Variants in PPP1R12C observed in about 807,000 individuals in gnomAD.
PPP1R12C encodes the protein leukocyte receptor cluster (LRC) encoded novel gene 3.
Under a neutral mutation model 95.6 loss-of-function variants are expected in PPP1R12C, and 48 were observed. The observed-to-expected ratio is 0.50, with a 90% CI of 0.40 to 0.64. The LOEUF (loss-of-function observed/expected upper bound fraction) is 0.64. Ranked by LOEUF, PPP1R12C falls within the 30% of genes least tolerant of loss-of-function variation. The pLI is 0.00. For synonymous variants in PPP1R12C, 480 were observed against 460.8 expected (o/e 1.04, Z -0.53); for missense variants, 1,057 against 1,083.3 (o/e 0.98, Z 0.34).
chr19:55,092,959 A>G (rs1308414405), intron 15 of PPP1R12C, 57 bp downstream of exon 15: 1 of 1,569,714 alleles, frequency 6.4e-7, no homozygotes, highest in Non-Finnish European at 8.6e-7. Context: ...AAGCAAGAAG[A>G]CTATGGGAGA....
In PPP1R12C at chr19:55,095,279, C is replaced by T; in HGVS notation, c.1454+12G>A. Reference sequence around the variant, plus strand: ...CACCCACCCCTGAGGGGCCCAGGCCCTGGGGACTCACAGGACAGAGGGCTC... The same window carrying T: ...CACCCACCCCTGAGGGGCCCAGGCCTTGGGGACTCACAGGACAGAGGGCTC... On this transcript the variant is annotated intron_variant, in intron 11 of 21. Transcript: ENST00000263433. 6.4e-7 allele frequency: 1 copy of T among 1,564,986 alleles called. No homozygotes were observed. Among genetic ancestry groups the T allele is most frequent in the Non-Finnish European group, 8.7e-7 (1 of 1,154,988 alleles).
intron 19 of PPP1R12C, 78 bp from the exon 20 acceptor site, chr19:55,091,987 C>T (rs1012110484): frequency 1.4e-5 from 21 of 1,547,720 alleles, no homozygotes; most frequent in Middle Eastern, 1.7e-4. Context: ...TCCTGCTGGG[C>T]ACCCGCCCGC....
intron 11 of PPP1R12C, 51 bp from the exon 12 acceptor site, chr19:55,094,849 G>A (rs893577812): frequency 7.8e-6 from 12 of 1,543,184 alleles, no homozygotes; most frequent in Admixed American, 5.9e-5. Flanking sequence ...ATTGTGTGCC[G>A]GCACTGGAGA....
Position 55,092,295 on chromosome 19 carries a change from C to G in PPP1R12C, c.2087G>C (p.Arg696Pro). Reference sequence around the variant, plus strand: ...GGTCTCGGTCAGGGCCTCGCGAAGCCGCTCGTTCTCCCTGCGCAGCTCTGC... The same window carrying G: ...GGTCTCGGTCAGGGCCTCGCGAAGCGGCTCGTTCTCCCTGCGCAGCTCTGC... Reference protein sequence around the residue: ...LYAELRRENERLREALTETTL... With the variant: ...LYAELRRENEPLREALTETTL... Residue 696 changes from arginine to proline, a missense_variant, in exon 19 of 22, where the codon CGG (arginine) becomes CCG (proline). Coordinates refer to ENST00000263433, the MANE Select transcript of PPP1R12C (RefSeq NM_017607.4). The G allele has an allele frequency of 6.2e-7, 1 of 1,601,000 alleles. No individual in the cohort carries two copies. Among genetic ancestry groups the G allele is most frequent in the Non-Finnish European group, 8.5e-7 (1 of 1,174,070 alleles).
chr19:55,091,700 C>T lies in PPP1R12C; in HGVS notation c.2212G>A (p.Glu738Lys), dbSNP rs2084842836. 1 of 1,613,480 alleles carries T rather than the reference C, an allele frequency of 6.2e-7. No individual in the cohort carries two copies. The highest frequency in any genetic ancestry group is 1.3e-5 in the African/African-American group (1 of 74,978). ...RPALLELERF[E>K]RRALERKAAE... is the part of the protein sequence containing the mutation. The stretch of plus-strand genomic sequence containing the variant: ...GCCTTGCGTTCCAGGGCCCTGCGCT[C>T]CTGGAATGAACAGGGAAAGTGCAGA... Residue 738 changes from glutamate to lysine, a missense_variant and splice_region_variant, in exon 21 of 22, where the codon GAG becomes AAG. Around this residue, in one of 5 missense-constraint regions of PPP1R12C, gnomAD observed 347 missense variants for 307.9 expected, o/e 1.13. Coordinates refer to ENST00000263433, the MANE Select transcript of PPP1R12C (RefSeq NM_017607.4).
intron 8 of PPP1R12C, 31 bp downstream of exon 8, chr19:55,096,020 G>A (rs1428666891): frequency 2.3e-5 from 37 of 1,608,070 alleles, no homozygotes; most frequent in Non-Finnish European, 3.1e-5. Context: ...CTCCTCCCTC[G>A]GACCCAGGAG....
At chr19:55,112,634 C>T in intron 2 of PPP1R12C, 31 bp downstream of exon 2, 1 of 1,612,706 alleles carries the variant, frequency 6.2e-7, no homozygotes. Context: ...CCCACCCCGA[C>T]CAGGTCCTGC....
Position 55,092,837 on chromosome 19 carries a change from C to T in PPP1R12C, c.1857G>A (p.Pro619=), listed in dbSNP as rs1217004949. 4.5e-6 allele frequency: 7 copies of T among 1,570,034 alleles called. No individual in the cohort carries two copies. The highest frequency in any genetic ancestry group is 3.8e-5 in the Admixed American group (2 of 52,926). The part of the protein sequence containing the change: ...AEAPDGQGPG[P]QAAREHRKVG... ...CCTTGCGGTGCTCCCTGGCCGCCTG[C>T]GGTCCCGGACCCTGCCCGTCGGGCG... Residue 619 remains proline, a synonymous_variant, in exon 16 of 22, where the codon CCG becomes CCA. Transcript: ENST00000263433.
chr19:55,095,548 G>T lies in PPP1R12C; in HGVS notation c.1283C>A (p.Ser428Tyr). The part of the protein sequence containing the change: ...RRFGLLKTGS[S>Y]GALGPPERRT... ...CCTTTCAGGGGGACCCAGGGCACCA[G>T]AACTCCCTGTCTTCAGGAGGCCAAA... Residue 428 changes from serine (S) to tyrosine (Y), a missense_variant, in exon 10 of 22, where the codon TCT becomes TAT. Physicochemically the swap from Ser to Tyr is moderately radical, Grantham distance 144. Around this residue, in one of 5 missense-constraint regions of PPP1R12C, gnomAD observed 356 missense variants for 330.5 expected, o/e 1.08. Transcript: ENST00000263433. 1 of 1,593,514 alleles carries T rather than the reference G, an allele frequency of 6.3e-7. No homozygotes were observed. The highest frequency in any genetic ancestry group is 1.3e-5 in the African/African-American group (1 of 74,534).
chr19:55,112,178 A>ACCCCCCCCCCC (rs59876929), intron 3 of PPP1R12C: 6 of 131,598 alleles, frequency 4.6e-5, no homozygotes, highest in African/African-American at 1.5e-4. Flanking sequence ...GAGTCCCTCC[A>ACCCCCCCCCCC]CCCACCCACC....
intron 4 of PPP1R12C, 78 bp from the exon 5 acceptor site, chr19:55,099,173 T>A: frequency 7.0e-7 from 1 of 1,424,722 alleles, no homozygotes; most frequent in Non-Finnish European, 9.3e-7. Context: ...AGCGGTTTGG[T>A]AACGAGGTCC....
At position 55,099,860 on chromosome 19, in the gene PPP1R12C, C is replaced by T. The variant is rs148977509; in HGVS notation, c.732-765G>A. Reference sequence around the variant, plus strand: ...CTCCAAGCTCAGCTTAACGGTAGGACGTGTCTATTTTTGGAGAACTGGAAT... The same window carrying T: ...CTCCAAGCTCAGCTTAACGGTAGGATGTGTCTATTTTTGGAGAACTGGAAT... On this transcript the variant is annotated intron_variant, in intron 4 of 21. Coordinates refer to ENST00000263433, the MANE Select transcript of PPP1R12C (RefSeq NM_017607.4). 1.8e-4 allele frequency among the ~76,000 whole-genome samples: 28 copies of T among 152,294 alleles called. No individual in the cohort carries two copies. In the East Asian group the frequency reaches 4.4e-3, roughly 24 times the overall value.
At position 55,109,213 on chromosome 19, in the gene PPP1R12C, A is replaced by C. The variant is rs906511562; in HGVS notation, c.571+3254T>G. Among the ~76,000 whole-genome samples the C allele has an allele frequency of 1.3e-5, 2 of 152,074 alleles. No homozygotes were observed. The highest frequency in any genetic ancestry group is 4.1e-4 in the South Asian group (2 of 4,830). On this transcript the variant is annotated intron_variant, in intron 3 of 21. Coordinates refer to ENST00000263433, the MANE Select transcript of PPP1R12C (RefSeq NM_017607.4). The surrounding 1 kb of genome is among the most constrained non-coding windows in gnomAD (Gnocchi z 4.4). ...CCTCCCAGGCTCAAGCAATCTTCTC[A>C]CCTCAGCCTACTGAGTAGCTGGGAG...
chr19:55,110,963 A>T (rs1234923728), intron 3 of PPP1R12C, among the ~76,000 whole-genome samples: 1 of 151,882 alleles, frequency 6.6e-6, no homozygotes, highest in East Asian at 1.9e-4. Context: ...AGGAGAAAGG[A>T]TAGGAAAAAA....
Position 55,093,172 on chromosome 19 carries a change from TCTGACTCTGGGGCCTTCC to T in PPP1R12C, c.1727_1744del (p.Gly576_Ser581del), listed in dbSNP as rs779484699. Reference sequence around the variant, plus strand: ...TCTCACCAGGCTCTGCGCCGGCTTCTCTGACTCTGGGGCCTTCCCTGCAGCCTTCTCTGCCTCCTTCAG... The same window carrying T: ...TCTCACCAGGCTCTGCGCCGGCTTCTCTGCAGCCTTCTCTGCCTCCTTCAG... On this transcript the variant is annotated inframe_deletion, in exon 14 of 22. Coordinates refer to ENST00000263433, the MANE Select transcript of PPP1R12C (RefSeq NM_017607.4). 1.9e-6 allele frequency: 3 copies of T among 1,613,676 alleles called. No individual in the cohort carries two copies. In the Admixed American group the frequency reaches 5.0e-5, roughly 27 times the overall value.
chr19:55,103,097 G>A (rs1048647878), intron 4 of PPP1R12C, among the ~76,000 whole-genome samples: 1 of 152,172 alleles, frequency 6.6e-6, no homozygotes, highest in African/African-American at 2.4e-5. Context: ...GGAGGCTGAG[G>A]TAGGAGGATC....
intron 4 of PPP1R12C, among the ~76,000 whole-genome samples, chr19:55,102,944 G>GT (rs761573696): frequency 1.3e-5 from 2 of 152,206 alleles, no homozygotes; most frequent in Non-Finnish European, 2.9e-5. Flanking sequence ...GCTTACACCT[G>GT]TAATCCCAGC....
intron 12 of PPP1R12C, 28 bp downstream of exon 12, chr19:55,094,633 C>T (rs758756283): frequency 1.9e-6 from 3 of 1,550,734 alleles, no homozygotes; most frequent in African/African-American, 1.4e-5. Context: ...GGGGCGGGGG[C>T]GGCAGCTTCC....
At chr19:55,092,587 G>C (rs1420163439) in intron 17 of PPP1R12C, 35 bp downstream of exon 17, 52 of 1,554,412 alleles carry the variant, frequency 3.3e-5, no homozygotes, top group Non-Finnish European at 4.3e-5. Flanking sequence ...GGCCCGGCCC[G>C]CACGCAGACC....
Sources: gnomAD v4.1 joint callset for allele counts (sites outside exome capture counted in the v4.1 genomes callset) on GRCh38, gnomAD v4.1.1 for gene constraint, gnomAD v4.1.1 regional missense constraint, Gnocchi (gnomAD v3.1) non-coding constraint, MANE v1.5 for transcripts, NCBI Gene and HGNC (gene_info 2026-07-23, HGNC 2026-07-21) for gene names.